The following PAPPA2 variants were observed in gnomAD, a reference collection of about 807,000 sequenced individuals.
PAPPA2 encodes the protein pappalysin 2, also known as pappalysin-2.
Under a neutral mutation model 176.4 loss-of-function variants are expected in PAPPA2, and 86 were observed. The ratio of observed to expected loss-of-function variants is 0.49; its 90% CI spans 0.41 to 0.58. The LOEUF is 0.58. Among genes scored for constraint, PAPPA2 ranks in the 20% least tolerant of loss-of-function variants. The pLI, the probability that PAPPA2 is intolerant of heterozygous loss-of-function variation, is 0.00. For missense variants in PAPPA2, 2,073 were observed against 2,256.9 expected (o/e 0.92, Z 1.65); for synonymous variants, 809 against 852.2 (o/e 0.95, Z 0.88).
intron 3 of PAPPA2, among the ~76,000 whole-genome samples, chr1:176,659,874 C>G (rs1022508561): frequency 6.6e-6 from 1 of 152,068 alleles, no homozygotes; most frequent in Non-Finnish European, 1.5e-5. Flanking sequence ...ATAAGGCTCT[C>G]TATATACTGA....
At chr1:176,586,990 T>G (rs1210344773) in intron 2 of PAPPA2, among the ~76,000 whole-genome samples, 1 of 152,238 alleles carries the variant, frequency 6.6e-6, no homozygotes, top group Non-Finnish European at 1.5e-5. Context: ...CCATTCTAAC[T>G]GGCAGGAGAT....
intron 3 of PAPPA2, among the ~76,000 whole-genome samples, chr1:176,629,379 A>G (rs1305461176): frequency 6.6e-6 from 1 of 152,228 alleles, no homozygotes; most frequent in African/African-American, 2.4e-5. Flanking sequence ...TTTATGTATG[A>G]GGTCTGTGGA....
intron 3 of PAPPA2, among the ~76,000 whole-genome samples, chr1:176,666,563 G>A (rs74127221): frequency 0.047 from 517 of 11,010 alleles, 4 homozygotes; most frequent in African/African-American, 0.15. Flanking sequence ...AAATATATAT[G>A]TGTGTGTGTG....
At chr1:176,500,387 C>A (rs1271817123) in intron 1 of PAPPA2, among the ~76,000 whole-genome samples, 1 of 151,298 alleles carries the variant, frequency 6.6e-6, no homozygotes, top group Admixed American at 6.6e-5. Flanking sequence ...AAAAACATTT[C>A]AATTTCCTAA....
At chr1:176,572,991 T>A (rs1456478972) in intron 2 of PAPPA2, among the ~76,000 whole-genome samples, 2 of 152,206 alleles carry the variant, frequency 1.3e-5, no homozygotes, top group Non-Finnish European at 2.9e-5. Context: ...AATTATTTAT[T>A]TGACTGAGAA....
At chr1:176,839,466 C>A (rs1667399181) in intron 21 of PAPPA2, among the ~76,000 whole-genome samples, 1 of 152,162 alleles carries the variant, frequency 6.6e-6, no homozygotes, top group Non-Finnish European at 1.5e-5. Context: ...GCTTTCTCTG[C>A]TCTAACCCTG....
chr1:176,505,161 T>C (rs1572978502), intron 1 of PAPPA2, among the ~76,000 whole-genome samples: 1 of 152,110 alleles, frequency 6.6e-6, no homozygotes, highest in East Asian at 1.9e-4. Flanking sequence ...AAAAAACCCG[T>C]TAATAAATAA....
intron 2 of PAPPA2, among the ~76,000 whole-genome samples, chr1:176,579,519 A>G (rs1490560988): frequency 6.6e-6 from 1 of 152,150 alleles, no homozygotes; most frequent in Non-Finnish European, 1.5e-5. Context: ...TTTCCTCCAA[A>G]CTATTTCCTG....
intron 1 of PAPPA2, among the ~76,000 whole-genome samples, chr1:176,541,011 T>C (rs1193502389): frequency 1.3e-5 from 2 of 152,238 alleles, no homozygotes; most frequent in Non-Finnish European, 2.9e-5. Flanking sequence ...GATTGGAGTT[T>C]CAAGATCTAT....
intron 9 of PAPPA2, among the ~76,000 whole-genome samples, chr1:176,703,590 G>T (rs1171503847): frequency 6.6e-6 from 1 of 152,158 alleles, no homozygotes; most frequent in Non-Finnish European, 1.5e-5. Flanking sequence ...CCCAGACCAG[G>T]TGAAAATATA....
At chr1:176,592,280 A>G (rs1653716530) in intron 2 of PAPPA2, among the ~76,000 whole-genome samples, 1 of 152,210 alleles carries the variant, frequency 6.6e-6, no homozygotes, top group African/African-American at 2.4e-5. Flanking sequence ...ATCTTAATAA[A>G]TTAGAGAGCA....
chr1:176,745,598 G>C (rs1255731848), intron 14 of PAPPA2, among the ~76,000 whole-genome samples: 1 of 152,116 alleles, frequency 6.6e-6, no homozygotes, highest in East Asian at 1.9e-4. Context: ...ACCAGTAATG[G>C]AATTAACTAC....
At chr1:176,560,304 C>G (rs901312194) in intron 2 of PAPPA2, among the ~76,000 whole-genome samples, 1 of 152,208 alleles carries the variant, frequency 6.6e-6, no homozygotes, top group Non-Finnish European at 1.5e-5. Context: ...CTCCCACATT[C>G]TTCCAAAATA....
intron 1 of PAPPA2, among the ~76,000 whole-genome samples, chr1:176,466,562 G>T (rs1037566256): frequency 1.3e-5 from 2 of 152,102 alleles, no homozygotes; most frequent in East Asian, 3.9e-4. Flanking sequence ...CATATTACAG[G>T]GAGTCAGAAA....
chr1:176,500,272 A>C (rs1259757736), intron 1 of PAPPA2, among the ~76,000 whole-genome samples: 2 of 152,056 alleles, frequency 1.3e-5, no homozygotes, highest in Non-Finnish European at 2.9e-5. Flanking sequence ...TTCAAAAATA[A>C]GAAAAACAAT....
At chr1:176,493,638 G>T (rs1257194439) in intron 1 of PAPPA2, among the ~76,000 whole-genome samples, 1 of 152,160 alleles carries the variant, frequency 6.6e-6, no homozygotes, top group East Asian at 1.9e-4. Context: ...GGAGGAAAGG[G>T]CTGGATTGGA....
chr1:176,518,659 C>A (rs755925562), intron 1 of PAPPA2, among the ~76,000 whole-genome samples: 2 of 152,064 alleles, frequency 1.3e-5, no homozygotes, highest in Non-Finnish European at 2.9e-5. Flanking sequence ...ACTCAGGAAC[C>A]ATCTGCATTT....
At chr1:176,618,908 T>C (rs1363360395) in intron 3 of PAPPA2, among the ~76,000 whole-genome samples, 2 of 152,110 alleles carry the variant, frequency 1.3e-5, no homozygotes, top group African/African-American at 4.8e-5. Context: ...ACTAGATAAA[T>C]CATTTGTCAC....
intron 1 of PAPPA2, among the ~76,000 whole-genome samples, chr1:176,552,244 A>G (rs966707544): frequency 6.0e-5 from 9 of 149,490 alleles, no homozygotes; most frequent in African/African-American, 2.2e-4. Flanking sequence ...TCTCTTTTCC[A>G]GTTCTTTCTC....
Sources: allele counts gnomAD v4.1 joint callset (sites outside exome capture counted in the v4.1 genomes callset), GRCh38; gene constraint gnomAD v4.1.1; transcripts MANE v1.5; gene names NCBI Gene and HGNC (gene_info 2026-07-23, HGNC 2026-07-21).